The following SNTG1 variants were observed in gnomAD, a reference collection of about 807,000 sequenced individuals.
SNTG1 encodes the protein gamma-1-syntrophin.
In SNTG1, 39 loss-of-function variants were observed where a neutral mutation model predicts 74.7. That is an observed-to-expected ratio of 0.52 (90% CI 0.40 to 0.68). SNTG1 has a LOEUF of 0.68. Among genes scored for constraint, SNTG1 ranks in the 30% least tolerant of loss-of-function variants. SNTG1 has a pLI of 0.00. For missense variants in SNTG1, 685 were observed against 609.5 expected, an observed-to-expected ratio of 1.12 and a Z score of -1.30; for synonymous variants, 254 against 217.1, an observed-to-expected ratio of 1.17 and a Z score of -1.49.
chr8:50,188,621 T>C (rs1182747708), intron 2 of SNTG1, among the ~76,000 whole-genome samples: 1 of 152,104 alleles, frequency 6.6e-6, no homozygotes, highest in Non-Finnish European at 1.5e-5. Context: ...CATGTAACTT[T>C]CCTATTCCTT....
At chr8:50,001,787 G>A (rs1249344911) in intron 1 of SNTG1, among the ~76,000 whole-genome samples, 3 of 152,144 alleles carry the variant, frequency 2.0e-5, no homozygotes, top group East Asian at 1.9e-4. Context: ...GCTTGTTCAA[G>A]GTTAAACAGC....
intron 2 of SNTG1, among the ~76,000 whole-genome samples, chr8:50,392,695 T>C (rs187355785): frequency 2.1e-4 from 32 of 152,278 alleles, no homozygotes; most frequent in South Asian, 6.2e-4. Context: ...AAACAACTGA[T>C]ATTATCACCT....
chr8:50,072,213 T>C (rs2131010134), intron 1 of SNTG1, among the ~76,000 whole-genome samples: 1 of 152,320 alleles, frequency 6.6e-6, no homozygotes, highest in East Asian at 1.9e-4. Flanking sequence ...AGTATGATGG[T>C]TCACTGTGAT....
chr8:50,484,224 CT>C (rs530573388), intron 8 of SNTG1, among the ~76,000 whole-genome samples: 17 of 118,356 alleles, frequency 1.4e-4, no homozygotes, highest in South Asian at 2.8e-4. Context: ...TTCTTTCTTT[CT>C]TTTTTTTTTA....
chr8:50,539,687 G>T (rs1487750709), intron 11 of SNTG1, among the ~76,000 whole-genome samples: 2 of 151,350 alleles, frequency 1.3e-5, no homozygotes, highest in African/African-American at 4.9e-5. Flanking sequence ...GAGTATGAAG[G>T]TTCAGCTGTC....
intron 2 of SNTG1, among the ~76,000 whole-genome samples, chr8:50,353,956 T>C (rs1325230949): frequency 6.6e-6 from 1 of 152,214 alleles, no homozygotes; most frequent in East Asian, 1.9e-4. Context: ...AAGGACTAAT[T>C]GATAGTTTGT....
At chr8:49,946,616 T>C (rs1345786338) in intron 1 of SNTG1, among the ~76,000 whole-genome samples, 1 of 152,198 alleles carries the variant, frequency 6.6e-6, no homozygotes, top group Non-Finnish European at 1.5e-5. Flanking sequence ...TTTTTTCTGT[T>C]CTTTGGAAAA....
intron 1 of SNTG1, among the ~76,000 whole-genome samples, chr8:50,038,774 C>G (rs1356562661): frequency 6.6e-6 from 1 of 152,172 alleles, no homozygotes; most frequent in African/African-American, 2.4e-5. Flanking sequence ...AAAGACAGTG[C>G]TGATCGCACA....
At chr8:50,454,706 G>A (rs2093487459) in intron 8 of SNTG1, among the ~76,000 whole-genome samples, 1 of 151,704 alleles carries the variant, frequency 6.6e-6, no homozygotes, top group African/African-American at 2.4e-5. Flanking sequence ...GTCAGGCGTG[G>A]TGGCGCACGC....
intron 2 of SNTG1, among the ~76,000 whole-genome samples, chr8:50,266,463 A>T (rs1197968606): frequency 6.6e-6 from 1 of 151,930 alleles, no homozygotes; most frequent in African/African-American, 2.4e-5. Flanking sequence ...TCAATGTAAG[A>T]CCTAATACTA....
chr8:50,283,642 C>T (rs753684127), intron 2 of SNTG1, among the ~76,000 whole-genome samples: 1 of 152,128 alleles, frequency 6.6e-6, no homozygotes, highest in Non-Finnish European at 1.5e-5. Flanking sequence ...AAAAGTTTCT[C>T]ATTCCTGAGA....
chr8:50,222,581 T>A (rs762581608), intron 2 of SNTG1, among the ~76,000 whole-genome samples: 3 of 152,194 alleles, frequency 2.0e-5, no homozygotes, highest in Non-Finnish European at 4.4e-5. Flanking sequence ...TACTAGAACA[T>A]ATACCTCCTT....
chr8:50,440,238 A>G (rs956305004), intron 5 of SNTG1, among the ~76,000 whole-genome samples: 3 of 151,882 alleles, frequency 2.0e-5, no homozygotes, highest in Admixed American at 6.6e-5. Flanking sequence ...CTTATGACAC[A>G]CTCTGACAAG....
intron 1 of SNTG1, among the ~76,000 whole-genome samples, chr8:50,158,419 G>A (rs11986160): frequency 0.28 from 42,050 of 151,970 alleles, 5,934 homozygotes; most frequent in Middle Eastern, 0.4. Context: ...GCACTGGGCA[G>A]AGTCCCCAGG....
chr8:50,152,681 GA>G (rs1217359665), intron 1 of SNTG1, among the ~76,000 whole-genome samples: 3 of 152,084 alleles, frequency 2.0e-5, no homozygotes, highest in African/African-American at 7.2e-5. Flanking sequence ...AATTTGACTG[GA>G]TATGAAATTC....
intron 2 of SNTG1, among the ~76,000 whole-genome samples, chr8:50,253,300 G>A (rs1208794200): frequency 6.6e-6 from 1 of 152,056 alleles, no homozygotes; most frequent in East Asian, 1.9e-4. Context: ...GCGGGCACCT[G>A]TAATCCCAGC....
chr8:50,138,303 G>T (rs534516530), intron 1 of SNTG1, among the ~76,000 whole-genome samples: 1 of 152,040 alleles, frequency 6.6e-6, no homozygotes, highest in African/African-American at 2.4e-5. Flanking sequence ...TGATGCCACT[G>T]GAAATATACC....
intron 8 of SNTG1, among the ~76,000 whole-genome samples, chr8:50,488,656 G>T (rs978396359): frequency 6.6e-6 from 1 of 152,100 alleles, no homozygotes; most frequent in African/African-American, 2.4e-5. Flanking sequence ...TTGAAAATGA[G>T]CACTAGGCAA....
intron 1 of SNTG1, among the ~76,000 whole-genome samples, chr8:50,053,322 T>A (rs1403936167): frequency 6.6e-6 from 1 of 151,974 alleles, no homozygotes; most frequent in Admixed American, 6.6e-5. Flanking sequence ...TTAAGCTAAG[T>A]GAAATAAGTA....
Sources: gnomAD v4.1 joint callset for allele counts (sites outside exome capture counted in the v4.1 genomes callset) on GRCh38, gnomAD v4.1.1 for gene constraint, MANE v1.5 for transcripts, NCBI Gene and HGNC (gene_info 2026-07-23, HGNC 2026-07-21) for gene names.